The following DOCK2 variants were observed in gnomAD, a reference collection of about 807,000 sequenced individuals.
DOCK2 encodes the protein dedicator of cytokinesis 2.
In DOCK2, 87 loss-of-function variants were observed where a neutral mutation model predicts 248.9. That is an observed-to-expected ratio of 0.35 (90% CI 0.29 to 0.42). DOCK2 has a LOEUF of 0.42. Ranked by LOEUF, DOCK2 falls within the 10% of genes least tolerant of loss-of-function variation. The pLI is 1.00. For missense variants in DOCK2, 1,747 were observed against 2,300.2 expected, an observed-to-expected ratio of 0.76 and a Z score of 4.92; for synonymous variants, 805 against 821.6, an observed-to-expected ratio of 0.98 and a Z score of 0.35.
chr5:169,967,197 G>T (rs1001523737), intron 27 of DOCK2, among the ~76,000 whole-genome samples: 1 of 152,218 alleles, frequency 6.6e-6, no homozygotes, highest in African/African-American at 2.4e-5. Flanking sequence ...AAAGTGATAT[G>T]CACAGGGACA....
chr5:169,936,845 T>G (rs1443156960), intron 27 of DOCK2, among the ~76,000 whole-genome samples: 1 of 152,138 alleles, frequency 6.6e-6, no homozygotes, highest in Non-Finnish European at 1.5e-5. Flanking sequence ...AAATAACAAT[T>G]TTGTCTCTTG....
At chr5:169,855,445 T>G (rs1770834327) in intron 27 of DOCK2, among the ~76,000 whole-genome samples, 1 of 152,158 alleles carries the variant, frequency 6.6e-6, no homozygotes, top group Non-Finnish European at 1.5e-5. Flanking sequence ...CAGTAGGAAG[T>G]TAGGCTATAA....
chr5:169,745,892 A>G (rs1763584518), intron 22 of DOCK2, among the ~76,000 whole-genome samples: 1 of 152,122 alleles, frequency 6.6e-6, no homozygotes, highest in Non-Finnish European at 1.5e-5. Flanking sequence ...AGCTGTGTAA[A>G]AGCCGGGGTG....
At chr5:169,916,612 T>C (rs1410020006) in intron 27 of DOCK2, among the ~76,000 whole-genome samples, 1 of 152,188 alleles carries the variant, frequency 6.6e-6, no homozygotes, top group Non-Finnish European at 1.5e-5. Context: ...AGTTAATATA[T>C]TTAAAGTGCT....
intron 35 of DOCK2, 98 bp from the exon 36 acceptor site, chr5:170,036,417 C>G (rs6899181): frequency 0.066 from 83,115 of 1,262,620 alleles, 4,378 homozygotes; most frequent in Middle Eastern, 0.24. Context: ...TACCCAGATA[C>G]TAGACAGCAA....
chr5:170,021,842 C>A (rs1048515532), intron 33 of DOCK2, among the ~76,000 whole-genome samples: 2 of 152,048 alleles, frequency 1.3e-5, no homozygotes, highest in African/African-American at 4.8e-5. Flanking sequence ...GGAGGTGAAT[C>A]CCTGCTGAAT....
chr5:169,863,642 C>G (rs1457089736), intron 27 of DOCK2, among the ~76,000 whole-genome samples: 1 of 152,186 alleles, frequency 6.6e-6, no homozygotes, highest in Non-Finnish European at 1.5e-5. Context: ...CTGCCACAGG[C>G]AGAAAGGTGC....
chr5:170,080,071 C>T, intron 49 of DOCK2, 92 bp from the exon 50 acceptor site: 3 of 1,573,806 alleles, frequency 1.9e-6, no homozygotes, highest in Non-Finnish European at 2.6e-6. Context: ...CCATGCCACG[C>T]CCTCCTCACT....
At chr5:170,025,070 C>T (rs559478888) in intron 33 of DOCK2, among the ~76,000 whole-genome samples, 4 of 152,372 alleles carry the variant, frequency 2.6e-5, no homozygotes, top group South Asian at 4.1e-4. Context: ...TTTCTAGTAA[C>T]ATTCGGCAGT....
At chr5:169,690,014 C>A (rs1198566462) in intron 9 of DOCK2, among the ~76,000 whole-genome samples, 1 of 150,830 alleles carries the variant, frequency 6.6e-6, no homozygotes, top group Non-Finnish European at 1.5e-5. Context: ...GTAGAGACCC[C>A]TTTCTCATCC....
intron 27 of DOCK2, among the ~76,000 whole-genome samples, chr5:169,890,536 A>G (rs1403700833): frequency 6.6e-6 from 1 of 152,180 alleles, no homozygotes; most frequent in Non-Finnish European, 1.5e-5. Flanking sequence ...TTCCAAAAAT[A>G]TACCCCTTTC....
At chr5:169,976,842 A>G (rs1370882143) in intron 27 of DOCK2, among the ~76,000 whole-genome samples, 2 of 152,208 alleles carry the variant, frequency 1.3e-5, no homozygotes, top group African/African-American at 2.4e-5. Context: ...GTACAGATGG[A>G]ACATGTCAGG....
intron 27 of DOCK2, among the ~76,000 whole-genome samples, chr5:169,857,634 A>G (rs1485472964): frequency 6.6e-6 from 1 of 152,044 alleles, no homozygotes; most frequent in East Asian, 1.9e-4. Flanking sequence ...AGCTGAGACT[A>G]GGGCATGATG....
intron 23 of DOCK2, among the ~76,000 whole-genome samples, chr5:169,755,426 A>G (rs1764141362): frequency 6.6e-6 from 1 of 152,160 alleles, no homozygotes; most frequent in Non-Finnish European, 1.5e-5. Flanking sequence ...TTTTATGAAG[A>G]ATGGTAGTAA....
intron 27 of DOCK2, among the ~76,000 whole-genome samples, chr5:169,901,042 C>A (rs1039697529): frequency 6.6e-6 from 1 of 152,096 alleles, no homozygotes; most frequent in Non-Finnish European, 1.5e-5. Context: ...ATTTATAAAA[C>A]GTGCTAGATG....
At chr5:169,702,572 G>C (rs1761039757) in intron 14 of DOCK2, 145 bp downstream of exon 14, 1 of 1,268,878 alleles carries the variant, frequency 7.9e-7, no homozygotes, top group Non-Finnish European at 1.1e-6. Flanking sequence ...AACACCTTTT[G>C]AGCTTGGTTA....
At chr5:170,057,840 T>A (rs965838584) in intron 44 of DOCK2, among the ~76,000 whole-genome samples, 174 bp downstream of exon 44, 1 of 152,218 alleles carries the variant, frequency 6.6e-6, no homozygotes, top group African/African-American at 2.4e-5. Flanking sequence ...CAGATTTTTT[T>A]TTTTTTTAAG....
chr5:169,879,126 C>T (rs1772492670), intron 27 of DOCK2, among the ~76,000 whole-genome samples: 1 of 152,132 alleles, frequency 6.6e-6, no homozygotes, highest in African/African-American at 2.4e-5. Context: ...ACTTAGGAAA[C>T]CGTATGCATG....
At chr5:169,696,339 A>G (rs1760624978) in intron 10 of DOCK2, among the ~76,000 whole-genome samples, 1 of 152,184 alleles carries the variant, frequency 6.6e-6, no homozygotes, top group Non-Finnish European at 1.5e-5. Flanking sequence ...ACACATCTAA[A>G]TTCCAGATGG....
Sources: gnomAD v4.1 joint callset for allele counts (sites outside exome capture counted in the v4.1 genomes callset) on GRCh38, gnomAD v4.1.1 for gene constraint, MANE v1.5 for transcripts, NCBI Gene and HGNC (gene_info 2026-07-23, HGNC 2026-07-21) for gene names.